Variants in CCDC150 observed in about 807,000 individuals in gnomAD.
CCDC150 encodes the protein coiled-coil domain-containing protein 150.
A neutral mutation model predicts 156.5 loss-of-function variants in CCDC150; 151 were observed. The ratio of observed to expected loss-of-function variants is 0.97; its 90% CI spans 0.85 to 1.10. CCDC150 has a LOEUF of 1.10. Ranked by LOEUF, CCDC150 falls within the 50% of genes least tolerant of loss-of-function variation. The probability of loss-of-function intolerance (pLI) is 0.00; values close to 1 mark genes in which losing one functional copy is unlikely to be tolerated. For missense variants in CCDC150, 1,312 were observed against 1,268.1 expected (o/e 1.03, Z -0.53); for synonymous variants, 452 against 429.4 (o/e 1.05, Z -0.65).
In CCDC150 at chr2:196,712,145, A is replaced by G; in HGVS notation, c.1696A>G (p.Ile566Val). Residue 566 changes from isoleucine (I) to valine (V), a missense_variant and splice_region_variant, in exon 16 of 28, where the codon ATA becomes GTA. Coordinates refer to ENST00000389175, the MANE Select transcript of CCDC150 (RefSeq NM_001080539.2). ...TTTTGTATTTTTGTTTTTCCTCTAG[A>G]TAAAAGTTAAACAGCTAGAAGAACA... Reference protein sequence around the residue: ...KLAYENGKLQIKVKQLEEQVQ... With the variant: ...KLAYENGKLQVKVKQLEEQVQ... 1 of 1,495,340 alleles carries G rather than the reference A, an allele frequency of 6.7e-7. No individual in the cohort carries two copies. The highest frequency in any genetic ancestry group is 9.0e-7 in the Non-Finnish European group (1 of 1,106,836). 92.6% of individuals were successfully genotyped at this position (1,495,340 alleles called of 1,614,324 possible). A position where few individuals can be genotyped will look rare whatever the true frequency, so the allele number is the denominator to read the frequency against.
chr2:196,672,388 A>G lies in CCDC150; in HGVS notation c.980A>G (p.Tyr327Cys). ...AACAAGGAACATGAAGAAAATGCAT[A>G]TTTGAGGTCCGAAATAATGTCTCTT... Reference protein sequence around the residue: ...SFNKEHEENAYLRSEIMSLHE... With the variant: ...SFNKEHEENACLRSEIMSLHE... The change falls in exon 9 of 28, where the codon TAT becomes TGT. Residue 327 changes from tyrosine (Y) to cysteine (C), a missense_variant. Transcript: ENST00000389175. 1 of 1,550,248 alleles carries G rather than the reference A, an allele frequency of 6.5e-7. No individual in the cohort carries two copies. The highest frequency in any genetic ancestry group is 8.7e-7 in the Non-Finnish European group (1 of 1,151,030).
In CCDC150 at chr2:196,718,553, G is replaced by A. The variant is rs201964322; in HGVS notation, c.1917G>A (p.Lys639=). ...AAGAGGAGCTGTCCCGAACAGTGAAGTGTCGTAATGCGGCCCTGAAAGAGA... is the reference window on the plus strand; with the variant it reads ...AAGAGGAGCTGTCCCGAACAGTGAAATGTCGTAATGCGGCCCTGAAAGAGA... ...RSKEELSRTV[K]CRNAALKESQ... is the part of the protein sequence containing the mutation. Residue 639 remains lysine (K), a synonymous_variant, in exon 18 of 28, where the codon AAG becomes AAA. Coordinates refer to ENST00000389175, the MANE Select transcript of CCDC150 (RefSeq NM_001080539.2). 1.9e-6 allele frequency: 3 copies of A among 1,613,750 alleles called. No homozygotes were observed. The East Asian group carries it at 6.7e-5, about 36-fold the overall frequency.
At chr2:196,723,270 A>T (rs1698026967) in intron 21 of CCDC150, among the ~76,000 whole-genome samples, 1 of 152,232 alleles carries the variant, frequency 6.6e-6, no homozygotes, top group Admixed American at 6.5e-5. Flanking sequence ...TGGGAGGCCA[A>T]GGTGGGCGGA....
chr2:196,713,426 C>T lies in CCDC150; in HGVS notation c.1866+687C>T, dbSNP rs1697271528. On this transcript the variant is annotated intron_variant, in intron 17 of 27. Coordinates refer to ENST00000389175, the MANE Select transcript of CCDC150 (RefSeq NM_001080539.2). ...AAAATCCCCCGAAATCTCTAGGTCC[C>T]ATGTAAACAGTATAAAGGAAAGAAC... 3 of 1,549,424 alleles carry T rather than the reference C, an allele frequency of 1.9e-6. No homozygotes were observed. In the Admixed American group the frequency reaches 5.9e-5, roughly 31 times the overall value.
At chr2:196,679,061 A>G (rs943210385) in intron 13 of CCDC150, among the ~76,000 whole-genome samples, 11 of 152,350 alleles carry the variant, frequency 7.2e-5, no homozygotes, top group African/African-American at 2.2e-4. Flanking sequence ...GAGACTTTCT[A>G]TGAAGCCAAA....
intron 22 of CCDC150, chr2:196,726,440 T>G: frequency 5.2e-6 from 1 of 193,774 alleles, no homozygotes; most frequent in South Asian, 1.1e-4. Context: ...TACCATTTCC[T>G]GAGAGGCACA....
chr2:196,666,029 G>A (rs1279857079), intron 6 of CCDC150, among the ~76,000 whole-genome samples: 4 of 152,054 alleles, frequency 2.6e-5, no homozygotes, highest in Non-Finnish European at 5.9e-5. Context: ...ATTGATTTTG[G>A]AAGGCATTGC....
intron 13 of CCDC150, among the ~76,000 whole-genome samples, chr2:196,690,263 A>G (rs1256444514): frequency 1.3e-5 from 2 of 152,032 alleles, no homozygotes; most frequent in Admixed American, 1.3e-4. Flanking sequence ...GGATAGCTTT[A>G]GGAGATATAC....
At chr2:196,647,278 G>A (rs1692602443) in intron 2 of CCDC150, among the ~76,000 whole-genome samples, 1 of 151,880 alleles carries the variant, frequency 6.6e-6, no homozygotes, top group Non-Finnish European at 1.5e-5. Flanking sequence ...TTGCCTCCAT[G>A]CTGACTTTAA....
intron 5 of CCDC150, among the ~76,000 whole-genome samples, chr2:196,662,428 C>T (rs940211191): frequency 2.6e-5 from 4 of 152,132 alleles, no homozygotes; most frequent in African/African-American, 7.2e-5. Context: ...AACTGTTCCA[C>T]CTCAAATCAT....
At chr2:196,658,703 A>G (rs1693372782) in intron 4 of CCDC150, 89 bp from the exon 5 acceptor site, 3 of 929,392 alleles carry the variant, frequency 3.2e-6, no homozygotes, top group Non-Finnish European at 4.9e-6. Flanking sequence ...AGGTTGCCAG[A>G]AAAAAACCTG....
At position 196,654,456 on chromosome 2, in the gene CCDC150, C is replaced by G. The variant is rs540429627; in HGVS notation, c.177-2177C>G. ...TTTTCATTTTTTTTTTCTTTCTGCT[C>G]CTCACATTGGATGATTTTCAGTTAC... is the stretch of plus-strand genomic sequence containing the variant. On this transcript the variant is annotated intron_variant, in intron 2 of 27. Transcript: ENST00000389175. Among the ~76,000 whole-genome samples, 4 of 151,310 alleles carry G rather than the reference C, an allele frequency of 2.6e-5. No individual in the cohort carries two copies. The South Asian group carries it at 6.3e-4, about 24-fold the overall frequency.
intron 8 of CCDC150, among the ~76,000 whole-genome samples, chr2:196,671,542 C>T (rs1694206343): frequency 6.8e-6 from 1 of 147,314 alleles, no homozygotes; most frequent in South Asian, 2.2e-4. Flanking sequence ...ATTCTCCTGT[C>T]TCAGCCTCCC....
intron 13 of CCDC150, among the ~76,000 whole-genome samples, chr2:196,681,590 C>T (rs983614462): frequency 3.9e-5 from 6 of 152,236 alleles, no homozygotes; most frequent in South Asian, 2.1e-4. Context: ...TTCTCACCAG[C>T]GATGTACAAA....
chr2:196,717,821 G>A (rs754522936), intron 17 of CCDC150, among the ~76,000 whole-genome samples: 5 of 152,042 alleles, frequency 3.3e-5, no homozygotes, highest in Non-Finnish European at 7.4e-5. Flanking sequence ...ATCCCGGAAG[G>A]TGGAGGTTGC....
At chr2:196,643,119 T>C (rs1208299261) in intron 1 of CCDC150, among the ~76,000 whole-genome samples, 1 of 152,230 alleles carries the variant, frequency 6.6e-6, no homozygotes, top group Non-Finnish European at 1.5e-5. Flanking sequence ...TTTGATGACC[T>C]GAACAGGATT....
chr2:196,650,948 T>C (rs1371955880), intron 2 of CCDC150, among the ~76,000 whole-genome samples: 1 of 152,236 alleles, frequency 6.6e-6, no homozygotes, highest in Non-Finnish European at 1.5e-5. Flanking sequence ...TTTTGTTTAT[T>C]ACTGATTCAA....
chr2:196,711,297 T>C (rs561093118), intron 15 of CCDC150, among the ~76,000 whole-genome samples: 5 of 152,338 alleles, frequency 3.3e-5, no homozygotes, highest in African/African-American at 1.2e-4. Context: ...TTAACCATCC[T>C]GATTTCTAAC....
intron 21 of CCDC150, among the ~76,000 whole-genome samples, chr2:196,722,977 G>A (rs1698010220): frequency 6.6e-6 from 1 of 152,182 alleles, no homozygotes; most frequent in African/African-American, 2.4e-5. Flanking sequence ...TTATGCCACT[G>A]CTTATGATAA....
Sources: allele counts gnomAD v4.1 joint callset (sites outside exome capture counted in the v4.1 genomes callset), GRCh38; gene constraint gnomAD v4.1.1; transcripts MANE v1.5; gene names NCBI Gene and HGNC (gene_info 2026-07-23, HGNC 2026-07-21).